Variants in DDHD2 observed in about 807,000 individuals in gnomAD.
The protein encoded by DDHD2 is triacylglycerol hydrolase DDHD2.
In DDHD2, 62 loss-of-function variants were observed where a neutral mutation model predicts 91.2. That is an observed-to-expected ratio of 0.68 (90% CI 0.55 to 0.84). The LOEUF is 0.84. Ranked by LOEUF, DDHD2 falls within the 40% of genes least tolerant of loss-of-function variation. The pLI, the probability that DDHD2 is intolerant of heterozygous loss-of-function variation, is 0.00. For synonymous variants in DDHD2, 271 were observed against 293.9 expected (o/e 0.92, Z 0.80); for missense variants, 740 against 846.9 (o/e 0.87, Z 1.57).
chr8:38,238,291 A>G, intron 5 of DDHD2, 82 bp downstream of exon 5: 1 of 1,584,148 alleles, frequency 6.3e-7, no homozygotes, highest in Non-Finnish European at 8.6e-7. Context: ...GTGGATTTAG[A>G]TTACCTCAAG....
intron 7 of DDHD2, among the ~76,000 whole-genome samples, chr8:38,244,577 T>TA (rs1277304822): frequency 1.3e-5 from 2 of 148,688 alleles, no homozygotes; most frequent in Non-Finnish European, 3.0e-5. Context: ...TTTTTGTTGT[T>TA]TTTTTTGAGA....
At chr8:38,262,966 T>TG (rs993454037), downstream of DDHD2, 65 of 152,348 alleles carry the variant, frequency 4.3e-4, no homozygotes, top group African/African-American at 1.4e-3. Context: ...ATTTAAAGCA[T>TG]GGCAATTATA....
intron 10 of DDHD2, 37 bp from the exon 11 acceptor site, chr8:38,249,668 TTTG>T (rs1442517261): frequency 6.8e-7 from 1 of 1,470,134 alleles, no homozygotes; most frequent in African/African-American, 1.4e-5. Context: ...TTGATTTTAT[TTTG>T]TCTAGAAATA....
chr8:38,261,499 T>G lies in DDHD2; in HGVS notation c.*926T>G, dbSNP rs142062944. The G allele has an allele frequency of 2.0e-5, 3 of 152,296 alleles. No individual in the cohort carries two copies. The highest frequency in any genetic ancestry group is 4.4e-5 in the Non-Finnish European group (3 of 68,030). The allele number at this position is 152,296 out of a possible 1,614,324, so 9.4% of individuals were successfully genotyped here. On this transcript the variant is annotated 3_prime_UTR_variant, in exon 18 of 18. Transcript: ENST00000397166. ...GAATTTGTCACCTGCCATTTCTACT[T>G]GAGCTAAGGTAGTATTGTGTATCCT...
Position 38,240,479 on chromosome 8 carries a change from A to G in DDHD2, c.712+115A>G, listed in dbSNP as rs1350203622. On this transcript the variant is annotated intron_variant, in intron 6 of 17. Coordinates refer to ENST00000397166, the MANE Select transcript of DDHD2 (RefSeq NM_015214.3). ...TAAGAAGATTTGGAGAGTTAAAGAC[A>G]GGTGGCAAGGTAGTAAAGCTTCTCA... is the stretch of plus-strand genomic sequence containing the variant. The G allele has an allele frequency of 4.6e-6, 3 of 655,628 alleles. No homozygotes were observed. In the African/African-American group the frequency reaches 5.4e-5, roughly 12 times the overall value. The allele number at this position is 655,628 out of a possible 1,614,324, so 40.6% of individuals were successfully genotyped here.
At chr8:38,267,644 A>T, downstream of DDHD2, 1 of 617,442 alleles carries the variant, frequency 1.6e-6, no homozygotes, top group African/African-American at 1.8e-5. Context: ...CAGCTTCAGG[A>T]GGTGCTCAAG....
chr8:38,257,950 T>A (rs1806661776), intron 16 of DDHD2, among the ~76,000 whole-genome samples: 2 of 152,104 alleles, frequency 1.3e-5, no homozygotes, highest in Admixed American at 6.6e-5. Flanking sequence ...CGTGAGCCAC[T>A]GCACCCAGCC....
intron 3 of DDHD2, among the ~76,000 whole-genome samples, chr8:38,236,138 A>G (rs1000746143): frequency 1.3e-4 from 20 of 150,800 alleles, no homozygotes; most frequent in African/African-American, 4.4e-4. Context: ...TCAGCCTCCC[A>G]AGTAGCTGGG....
intron 5 of DDHD2, among the ~76,000 whole-genome samples, chr8:38,239,399 A>T (rs2130779645): frequency 6.7e-6 from 1 of 150,280 alleles, no homozygotes; most frequent in East Asian, 2.0e-4. Flanking sequence ...AAAGTTTTTA[A>T]AACCTGAAAA....
At chr8:38,246,614 G>A (rs1805654671) in intron 9 of DDHD2, among the ~76,000 whole-genome samples, 1 of 152,210 alleles carries the variant, frequency 6.6e-6, no homozygotes, top group Non-Finnish European at 1.5e-5. Context: ...GGCTGAGACT[G>A]GTGGATCACC....
intron 10 of DDHD2, among the ~76,000 whole-genome samples, chr8:38,248,232 G>T (rs1003684773): frequency 1.3e-4 from 20 of 152,132 alleles, no homozygotes; most frequent in African/African-American, 4.3e-4. Flanking sequence ...TTTTAGTAGA[G>T]ATGGGGTTTC....
Position 38,249,801 on chromosome 8 carries a change from A to G in DDHD2, c.1342A>G (p.Met448Val), listed in dbSNP as rs150297742. The G allele has an allele frequency of 2.0e-5, 32 of 1,592,288 alleles. No homozygotes were observed. The highest frequency in any genetic ancestry group is 1.7e-4 in the Middle Eastern group (1 of 5,928). The change falls in exon 11 of 18, where the codon ATG (methionine) becomes GTG (valine). Residue 448 changes from methionine to valine, a missense_variant and splice_region_variant. This residue lies in a region of DDHD2 where 693 missense variants were observed against 764.2 expected (regional missense o/e 0.91). Transcript: ENST00000397166. ...LNYFSTRKNS[M>V]GIKRPAPQPA... The stretch of plus-strand genomic sequence containing the variant: ...CTATTTCAGCACCAGAAAAAACTCA[A>G]TGGTATGTGCCTAATACAGCTTGTT...
At chr8:38,266,309 C>A, downstream of DDHD2, 3 of 1,610,176 alleles carry the variant, frequency 1.9e-6, no homozygotes, top group Non-Finnish European at 2.5e-6. Context: ...CCAGCAAATG[C>A]AACTGGAACA....
chr8:38,234,869 G>A (rs934914659), intron 3 of DDHD2, among the ~76,000 whole-genome samples: 2 of 151,702 alleles, frequency 1.3e-5, no homozygotes, highest in African/African-American at 4.8e-5. Flanking sequence ...CCCGGTTCAA[G>A]TGATTCTCAT....
intron 3 of DDHD2, among the ~76,000 whole-genome samples, chr8:38,235,758 A>G (rs917892979): frequency 6.7e-6 from 1 of 149,066 alleles, no homozygotes; most frequent in African/African-American, 2.5e-5. Flanking sequence ...AGTGGCTCTC[A>G]CCTGTAATCC....
At chr8:38,268,163 T>C in intron 1 of DDHD2, 2 of 1,302,010 alleles carry the variant, frequency 1.5e-6, no homozygotes, top group Non-Finnish European at 2.1e-6. Context: ...GAGGTACAAA[T>C]AACCCAGTGC....
chr8:38,255,425 A>C (rs1585760806), intron 16 of DDHD2: 1 of 411,238 alleles, frequency 2.4e-6, no homozygotes, highest in Non-Finnish European at 4.7e-6. Context: ...TGGGCAGTAC[A>C]TTCATATGGT....
downstream of DDHD2, chr8:38,266,946 T>A: frequency 1.2e-6 from 1 of 860,620 alleles, no homozygotes; most frequent in Non-Finnish European, 1.6e-6. Context: ...AGGTAAGAAA[T>A]GAAAATGCTT....
At chr8:38,239,303 G>A (rs1373539122) in intron 5 of DDHD2, among the ~76,000 whole-genome samples, 1 of 151,392 alleles carries the variant, frequency 6.6e-6, no homozygotes, top group Non-Finnish European at 1.5e-5. Flanking sequence ...GAGCCCAGAA[G>A]GTTGAGGCTG....
Sources: allele counts gnomAD v4.1 joint callset (sites outside exome capture counted in the v4.1 genomes callset), GRCh38; gene constraint gnomAD v4.1.1; regional missense constraint gnomAD v4.1.1; transcripts MANE v1.5; gene names NCBI Gene and HGNC (gene_info 2026-07-23, HGNC 2026-07-21).